The following FAM222B variants were observed in gnomAD, a reference collection of about 807,000 sequenced individuals.
FAM222B encodes the protein family with sequence similarity 222 member B.
FAM222B carries 12 observed loss-of-function variants against 38.0 expected under a neutral mutation model. The ratio of observed to expected loss-of-function variants is 0.32; its 90% CI spans 0.20 to 0.51. FAM222B has a LOEUF of 0.51. FAM222B is among the 20% of genes least tolerant of loss of function. The pLI is 0.97. For missense variants in FAM222B, 716 were observed against 754.2 expected (o/e 0.95, Z 0.59); for synonymous variants, 329 against 317.2 (o/e 1.04, Z -0.40).
intron 1 of FAM222B, among the ~76,000 whole-genome samples, chr17:28,815,214 CTT>C (rs71135857): frequency 8.9e-4 from 128 of 143,638 alleles, no homozygotes; most frequent in Non-Finnish European, 7.8e-4. Context: ...TTTATTACAT[CTT>C]TTTTTTTTTT....
rs969814229 is a variant in FAM222B, at chr17:28,790,900, T to A, written c.-40-24193A>T. 3.1e-4 allele frequency among the ~76,000 whole-genome samples: 37 copies of A among 120,488 alleles called. 2 individuals carry two copies. Among genetic ancestry groups the A allele is most frequent in the South Asian group, 1.1e-3 (4 of 3,572 alleles). 79.0% of individuals were successfully genotyped at this position (120,488 alleles called of 152,430 possible). A position where few individuals can be genotyped will look rare whatever the true frequency, so the allele number is the denominator to read the frequency against. On this transcript the variant is annotated intron_variant, in intron 1 of 2. Coordinates refer to ENST00000581407, the MANE Select transcript of FAM222B (RefSeq NM_001077498.3). ...ATTGTTTCACTTTTTTTTTTTTTTTTTTTTTTTTTTTTTTTAGAGACAGAA... is the reference window on the plus strand; with the variant it reads ...ATTGTTTCACTTTTTTTTTTTTTTTATTTTTTTTTTTTTTTAGAGACAGAA...
At chr17:28,813,375 G>C (rs1274936497) in intron 1 of FAM222B, among the ~76,000 whole-genome samples, 6 of 152,056 alleles carry the variant, frequency 3.9e-5, no homozygotes, top group Non-Finnish European at 4.4e-5. Context: ...AAGACAACAT[G>C]AAAAATAAAT....
Position 28,758,635 on chromosome 17 carries a change from A to G in FAM222B, c.1324T>C (p.Leu442=), listed in dbSNP as rs773545286. 3.1e-6 allele frequency: 5 copies of G among 1,611,596 alleles called. No homozygotes were observed. The highest frequency in any genetic ancestry group is 2.2e-5 in the East Asian group (1 of 44,866). The change falls in exon 3 of 3, where the codon TTG becomes CTG. Residue 442 remains leucine (L), a synonymous_variant. Coordinates refer to ENST00000581407, the MANE Select transcript of FAM222B (RefSeq NM_001077498.3). The part of the protein sequence containing the change: ...SPPVNGMAAP[L]AYPNGHYFQP... ...AAGTAGTGACCATTGGGGTAGGCCAATGGGGCTGCCATGCCGTTGACTGGT... is the reference window on the plus strand; with the variant it reads ...AAGTAGTGACCATTGGGGTAGGCCAGTGGGGCTGCCATGCCGTTGACTGGT...
intron 1 of FAM222B, among the ~76,000 whole-genome samples, chr17:28,779,912 A>C (rs1160707412): frequency 6.6e-6 from 1 of 152,040 alleles, no homozygotes; most frequent in Non-Finnish European, 1.5e-5. Flanking sequence ...CATCATACTC[A>C]ACGGTGGACA....
chr17:28,799,300 T>TA, intron 1 of FAM222B, among the ~76,000 whole-genome samples: 1 of 140,438 alleles, frequency 7.1e-6, no homozygotes, highest in East Asian at 2.1e-4. Context: ...AGAAAAACTT[T>TA]TTTTTTTTTT....
At chr17:28,850,023 G>C (rs1359165280) in intron 1 of FAM222B, among the ~76,000 whole-genome samples, 1 of 152,060 alleles carries the variant, frequency 6.6e-6, no homozygotes, top group African/African-American at 2.4e-5. Context: ...GGCAGAGGTT[G>C]CAGTGAGCCG....
At chr17:28,821,914 G>A (rs985544911) in intron 1 of FAM222B, among the ~76,000 whole-genome samples, 15 of 152,118 alleles carry the variant, frequency 9.9e-5, no homozygotes, top group Admixed American at 7.2e-4. Context: ...GCAGTGAGCC[G>A]AGATTGCACC....
intron 1 of FAM222B, among the ~76,000 whole-genome samples, chr17:28,799,275 T>C (rs1306085532): frequency 6.9e-6 from 1 of 145,478 alleles, no homozygotes; most frequent in African/African-American, 2.5e-5. Context: ...GACTGGCCTC[T>C]TGTTTTTGTA....
chr17:28,804,040 T>TTTAC (rs2037361753), intron 1 of FAM222B, among the ~76,000 whole-genome samples: 1 of 151,838 alleles, frequency 6.6e-6, no homozygotes, highest in African/African-American at 2.4e-5. Flanking sequence ...CAAAAGCTAG[T>TTTAC]TTACGTATGA....
intron 1 of FAM222B, among the ~76,000 whole-genome samples, chr17:28,796,972 G>T (rs1328847454): frequency 7.0e-6 from 1 of 143,754 alleles, no homozygotes; most frequent in Non-Finnish European, 1.5e-5. Context: ...GGAGATGGTA[G>T]AAGCCAGTTA....
intron 1 of FAM222B, among the ~76,000 whole-genome samples, chr17:28,770,283 G>A (rs1244328549): frequency 1.3e-5 from 2 of 152,184 alleles, no homozygotes. Context: ...AAGGCAGATT[G>A]TTATTAATTT....
At chr17:28,820,950 CTT>C in intron 1 of FAM222B, among the ~76,000 whole-genome samples, 1 of 144,410 alleles carries the variant, frequency 6.9e-6, no homozygotes, top group South Asian at 2.3e-4. Flanking sequence ...TGGTAAAACT[CTT>C]TTTATTTTAT....
Position 28,758,139 on chromosome 17 carries a change from A to C in FAM222B, c.*131T>G. The C allele has an allele frequency of 1.2e-6, 1 of 856,018 alleles. No homozygotes were observed. Among genetic ancestry groups the C allele is most frequent in the Non-Finnish European group, 1.8e-6 (1 of 569,192 alleles). The allele number at this position is 856,018 out of a possible 1,614,324, so 53.0% of individuals were successfully genotyped here. ...TTCTGTCCCCACTTAGATCCCACCA[A>C]ATTCCCTTTCTTAGACATCTAAGAA... On this transcript the variant is annotated 3_prime_UTR_variant, in exon 3 of 3. Coordinates refer to ENST00000581407, the MANE Select transcript of FAM222B (RefSeq NM_001077498.3).
In FAM222B at chr17:28,757,686, G is replaced by T. The variant is rs975457763; in HGVS notation, c.*584C>A. On this transcript the variant is annotated 3_prime_UTR_variant, in exon 3 of 3. Transcript: ENST00000581407. ...GAGATCAAGTGTGGCAAGGGCAAGT[G>T]CAGTGGCTGTGGGATCAATATAGAC... The T allele has an allele frequency of 6.6e-6, 1 of 152,206 alleles. No homozygotes were observed. The highest frequency in any genetic ancestry group is 2.1e-4 in the South Asian group (1 of 4,826). The allele number at this position is 152,206 out of a possible 1,614,324, so 9.4% of individuals were successfully genotyped here. A position where few individuals can be genotyped will look rare whatever the true frequency, so the allele number is the denominator to read the frequency against.
At chr17:28,810,118 T>A (rs958330521) in intron 1 of FAM222B, among the ~76,000 whole-genome samples, 2 of 152,088 alleles carry the variant, frequency 1.3e-5, no homozygotes, top group South Asian at 4.1e-4. Flanking sequence ...CACCTCAGCC[T>A]CCCAAGCAGC....
At chr17:28,798,608 G>A (rs997042977) in intron 1 of FAM222B, among the ~76,000 whole-genome samples, 1 of 150,518 alleles carries the variant, frequency 6.6e-6, no homozygotes, top group South Asian at 2.1e-4. Context: ...GTTTTCTCAT[G>A]TGAAGTTTAA....
intron 1 of FAM222B, among the ~76,000 whole-genome samples, chr17:28,809,041 C>T (rs1339155907): frequency 6.6e-6 from 1 of 152,036 alleles, no homozygotes; most frequent in Non-Finnish European, 1.5e-5. Flanking sequence ...TAACACATTC[C>T]AAGCCGTGAC....
intron 1 of FAM222B, among the ~76,000 whole-genome samples, chr17:28,782,388 C>T (rs1196072620): frequency 6.6e-6 from 1 of 151,926 alleles, no homozygotes; most frequent in Non-Finnish European, 1.5e-5. Flanking sequence ...AAAAGATTTA[C>T]AGGAAATTCT....
chr17:28,832,054 G>A (rs1227143002), intron 1 of FAM222B, among the ~76,000 whole-genome samples: 1 of 152,130 alleles, frequency 6.6e-6, no homozygotes, highest in East Asian at 1.9e-4. Context: ...GCCAGGCGTG[G>A]TGGCAGGCAC....
Sources: gnomAD v4.1 joint callset for allele counts (sites outside exome capture counted in the v4.1 genomes callset) on GRCh38, gnomAD v4.1.1 for gene constraint, MANE v1.5 for transcripts, NCBI Gene and HGNC (gene_info 2026-07-23, HGNC 2026-07-21) for gene names.